The following PRKACA variants were observed in gnomAD, a reference collection of about 807,000 sequenced individuals.
PRKACA encodes the protein protein kinase cAMP-activated catalytic subunit alpha, also known as cAMP-dependent protein kinase catalytic subunit alpha.
In PRKACA, 9 loss-of-function variants were observed where a neutral mutation model predicts 45.8. That is an observed-to-expected ratio of 0.20 (90% CI 0.12 to 0.34). The LOEUF is 0.34. PRKACA is among the 10% of genes least tolerant of loss of function. The pLI is 1.00. For synonymous variants in PRKACA, 160 were observed against 178.6 expected (o/e 0.90, Z 0.83); for missense variants, 238 against 458.6 (o/e 0.52, Z 4.39).
intron 8 of PRKACA, chr19:14,096,378 G>A (rs1196819534): frequency 6.7e-6 from 1 of 150,146 alleles, no homozygotes; most frequent in Non-Finnish European, 1.5e-5. Flanking sequence ...TTTAGAGATG[G>A]GGTCTGGCTA....
chr19:14,106,669 A>G, intron 3 of PRKACA, 91 bp downstream of exon 3: 1 of 1,537,344 alleles, frequency 6.5e-7, no homozygotes, highest in South Asian at 1.2e-5. Context: ...AAAGCAAGTG[A>G]GTGAACGGGT....
At chr19:14,112,659 C>A (rs1037529729) in intron 1 of PRKACA, 1 of 152,292 alleles carries the variant, frequency 6.6e-6, no homozygotes, top group Admixed American at 6.5e-5. Flanking sequence ...GCTCCCTTGG[C>A]AGGAGGCAAT....
chr19:14,101,864 T>TA (rs916442097), intron 4 of PRKACA, among the ~76,000 whole-genome samples: 7 of 144,278 alleles, frequency 4.9e-5, no homozygotes, highest in African/African-American at 1.0e-4. Context: ...TCTGTCTCAA[T>TA]AAAAAAAATA....
intron 3 of PRKACA, among the ~76,000 whole-genome samples, chr19:14,105,813 G>T (rs906836098): frequency 4.6e-5 from 7 of 152,186 alleles, no homozygotes; most frequent in African/African-American, 1.4e-4. Context: ...ATTTCTGCTA[G>T]TTACATTGCT....
In PRKACA at chr19:14,097,857, G is replaced by C. The variant is rs145751355; in HGVS notation, c.453C>G (p.Ile151Met). 2 of 1,614,172 alleles carry C rather than the reference G, an allele frequency of 1.2e-6. No homozygotes were observed. Among genetic ancestry groups the C allele is most frequent in the Non-Finnish European group, 1.7e-6 (2 of 1,180,032 alleles). Reference protein sequence around the residue: ...EPHARFYAAQIVLTFEYLHSL... With the variant: ...EPHARFYAAQMVLTFEYLHSL... ...AGTGCAGATACTCAAAGGTCAGGAC[G>C]ATCTGGGCCGCGTAGAAACGGGCAT... The change falls in exon 6 of 10, where the codon ATC becomes ATG. Residue 151 changes from isoleucine to methionine, a missense_variant. Transcript: ENST00000308677. The surrounding 1 kb of genome is among the most constrained non-coding windows in gnomAD (Gnocchi z 5.4).
intron 5 of PRKACA, among the ~76,000 whole-genome samples, chr19:14,099,633 G>C (rs2144448298): frequency 6.9e-6 from 1 of 143,994 alleles, no homozygotes; most frequent in Admixed American, 7.2e-5. Context: ...ATGGGGTCTT[G>C]CTATGTAAGG....
chr19:14,093,334 TCTGA>T (rs1977148725), intron 9 of PRKACA, 97 bp from the exon 10 acceptor site: 3 of 1,479,478 alleles, frequency 2.0e-6, no homozygotes, highest in Non-Finnish European at 2.8e-6. Context: ...AGATATTTAC[TCTGA>T]CTCAGGCCTG....
chr19:14,093,752 AG>A lies in PRKACA; in HGVS notation c.805del (p.Leu269CysfsTer8). On this transcript the variant is annotated frameshift_variant, in exon 9 of 10. Coordinates refer to ENST00000308677, the MANE Select transcript of PRKACA (RefSeq NM_002730.4). LOFTEE classifies it high-confidence loss of function. Reference sequence around the variant, plus strand: ...ATCTACCTGCAGGAGGTTCCGCAGCAGGTCCTTCAAGTCAGAGCTGAAGTGG... The same window carrying A: ...ATCTACCTGCAGGAGGTTCCGCAGCAGTCCTTCAAGTCAGAGCTGAAGTGG... ...PSHFSSDLKD[L>X]LRNLLQVDLT... 1 of 1,614,108 alleles carries A rather than the reference AG, an allele frequency of 6.2e-7. No homozygotes were observed. Among genetic ancestry groups the A allele is most frequent in the Non-Finnish European group, 8.5e-7 (1 of 1,179,964 alleles).
chr19:14,101,100 G>A, intron 4 of PRKACA, 192 bp from the exon 5 acceptor site: 1 of 583,486 alleles, frequency 1.7e-6, no homozygotes, highest in Non-Finnish European at 3.1e-6. Context: ...TGGCTCAGAG[G>A]TATGTCAGGA....
intron 3 of PRKACA, 86 bp from the exon 4 acceptor site, chr19:14,103,000 G>A (rs1977491703): frequency 1.8e-6 from 2 of 1,097,140 alleles, no homozygotes; most frequent in South Asian, 2.5e-5. Context: ...AGGGATGCCG[G>A]AGCCAGGCCG....
chr19:14,107,815 C>A lies in PRKACA; in HGVS notation c.47-406G>T, dbSNP rs1325452126. 5.0e-6 allele frequency: 5 copies of A among 998,926 alleles called. No individual in the cohort carries two copies. The South Asian group carries it at 2.2e-4, about 44-fold the overall frequency. The allele number at this position is 998,926 out of a possible 1,614,324, so 61.9% of individuals were successfully genotyped here. On this transcript the variant is annotated intron_variant, in intron 1 of 9. Coordinates refer to ENST00000308677, the MANE Select transcript of PRKACA (RefSeq NM_002730.4). ...GGGGAGGCCGGGCCTGGGATGGAGG[C>A]CTCGGGGGCTCGGGTAGCAGGTGCC...
rs543433988 is a variant in PRKACA at position 14,111,477 on chromosome 19, G to A, written c.47-4068C>T. On this transcript the variant is annotated intron_variant, in intron 1 of 9. Transcript: ENST00000308677. ...AAGGCCCCACAATAAATGACCAGGC[G>A]GAGAGGGGATAGGCAATGAATGGCC... Among the ~76,000 whole-genome samples the A allele has an allele frequency of 5.3e-5, 8 of 152,314 alleles. No homozygotes were observed. In the South Asian group the frequency reaches 1.2e-3, roughly 24 times the overall value.
chr19:14,115,354 G>T (rs1389786111), intron 1 of PRKACA, among the ~76,000 whole-genome samples: 1 of 152,202 alleles, frequency 6.6e-6, no homozygotes, highest in Non-Finnish European at 1.5e-5. Context: ...AAGAAAATAT[G>T]ATAGAGTAAA....
chr19:14,117,623 G>T lies in PRKACA; in HGVS notation c.-76C>A. The T allele has an allele frequency of 1.0e-5, 9 of 887,992 alleles. No individual in the cohort carries two copies. The highest frequency in any genetic ancestry group is 1.2e-5 in the Non-Finnish European group (9 of 743,308). The allele number at this position is 887,992 out of a possible 1,614,324, so 55.0% of individuals were successfully genotyped here. ...TGGCTGCGGCCGGCGGCCCCGGAGC[G>T]CGCTGGGCGGCGGCGGCGGCGGCCC... On this transcript the variant is annotated 5_prime_UTR_variant, in exon 1 of 10. Coordinates refer to ENST00000308677, the MANE Select transcript of PRKACA (RefSeq NM_002730.4).
chr19:14,093,505 C>T (rs1977155502), intron 9 of PRKACA, 123 bp downstream of exon 9: 1 of 1,320,476 alleles, frequency 7.6e-7, no homozygotes. Context: ...CCCCACTGCT[C>T]TAAGCTCTCT....
rs534630719 is a variant in PRKACA, at chr19:14,096,981, T to G, written c.765+380A>C. The G allele has an allele frequency of 2.1e-4, 74 of 346,102 alleles. 1 individual carries two copies. The highest frequency in any genetic ancestry group is 1.5e-3 in the South Asian group (68 of 44,374). 21.4% of individuals were successfully genotyped at this position (346,102 alleles called of 1,614,324 possible). A position where few individuals can be genotyped will look rare whatever the true frequency, so the allele number is the denominator to read the frequency against. ...AAGTGAGGGCAATCCTGGGTGAGGC[T>G]ATGGACAGCACCTGGGAACAGGAAC... On this transcript the variant is annotated intron_variant, in intron 8 of 9. Coordinates refer to ENST00000308677, the MANE Select transcript of PRKACA (RefSeq NM_002730.4).
intron 8 of PRKACA, among the ~76,000 whole-genome samples, chr19:14,094,566 A>G (rs1473309982): frequency 2.0e-5 from 3 of 152,236 alleles, no homozygotes; most frequent in Non-Finnish European, 1.5e-5. Context: ...CATTGCTCTA[A>G]GGCAAGTGCT....
intron 8 of PRKACA, among the ~76,000 whole-genome samples, chr19:14,095,862 C>T (rs762469315): frequency 3.3e-5 from 5 of 151,394 alleles, no homozygotes; most frequent in Non-Finnish European, 7.4e-5. Flanking sequence ...TGGGGCACCC[C>T]ACTTGCCTGA....
At chr19:14,100,755 G>A in intron 5 of PRKACA, 71 bp downstream of exon 5, 2 of 1,474,754 alleles carry the variant, frequency 1.4e-6, no homozygotes, top group Non-Finnish European at 1.9e-6. Context: ...TGCATTCCCA[G>A]GGGGCTTGGT....
Sources: gnomAD v4.1 joint callset for allele counts (sites outside exome capture counted in the v4.1 genomes callset) on GRCh38, gnomAD v4.1.1 for gene constraint, Gnocchi (gnomAD v3.1) non-coding constraint, MANE v1.5 for transcripts, NCBI Gene and HGNC (gene_info 2026-07-23, HGNC 2026-07-21) for gene names.